SYT1: variants seen among roughly 807,000 people sequenced by gnomAD.
SYT1 encodes the protein synaptotagmin 1, also known as synaptotagmin-1.
Under a neutral mutation model 44.8 loss-of-function variants are expected in SYT1, and 8 were observed. That is an observed-to-expected ratio of 0.18 (90% CI 0.10 to 0.32). The LOEUF is 0.32. Ranked by LOEUF, SYT1 falls within the 10% of genes least tolerant of loss-of-function variation. The pLI is 1.00. For synonymous variants in SYT1, 154 were observed against 188.8 expected, an observed-to-expected ratio of 0.82 and a Z score of 1.51; for missense variants, 286 against 509.3, an observed-to-expected ratio of 0.56 and a Z score of 4.22.
chr12:78,981,554 G>A (rs187914989), intron 2 of SYT1, among the ~76,000 whole-genome samples: 41 of 152,250 alleles, frequency 2.7e-4, no homozygotes, highest in Admixed American at 1.2e-3. Flanking sequence ...CCAACTAATG[G>A]AGTGAAGGGA....
chr12:79,085,690 C>T (rs1321089681), intron 3 of SYT1, among the ~76,000 whole-genome samples: 2 of 152,146 alleles, frequency 1.3e-5, no homozygotes, highest in Non-Finnish European at 2.9e-5. Flanking sequence ...CCTCTCCAGG[C>T]TCCAGTTTCC....
chr12:79,446,002 T>C (rs1253998334), intron 10 of SYT1, among the ~76,000 whole-genome samples: 1 of 115,908 alleles, frequency 8.6e-6, no homozygotes, highest in Admixed American at 8.6e-5. Flanking sequence ...TATATATATA[T>C]ATATATATAT....
At chr12:78,871,236 C>T (rs1228071241) in intron 1 of SYT1, among the ~76,000 whole-genome samples, 1 of 151,996 alleles carries the variant, frequency 6.6e-6, no homozygotes, top group Non-Finnish European at 1.5e-5. Context: ...TATTATGAAA[C>T]ATCACACACG....
intron 3 of SYT1, among the ~76,000 whole-genome samples, chr12:79,120,431 A>T (rs531276402): frequency 1.7e-4 from 26 of 152,256 alleles, no homozygotes; most frequent in African/African-American, 4.6e-4. Flanking sequence ...ATTTAAAAAA[A>T]ATATATAAAA....
At chr12:79,023,064 G>A (rs1230955835) in intron 2 of SYT1, among the ~76,000 whole-genome samples, 1 of 151,690 alleles carries the variant, frequency 6.6e-6, no homozygotes, top group Non-Finnish European at 1.5e-5. Context: ...ATTTAAATCA[G>A]ACTCTTTTGA....
chr12:79,442,411 GTTT>G (rs1207521058), intron 9 of SYT1, among the ~76,000 whole-genome samples: 2 of 151,946 alleles, frequency 1.3e-5, no homozygotes, highest in Non-Finnish European at 2.9e-5. Flanking sequence ...TGTGGAGTTG[GTTT>G]TACATCTCTA....
intron 4 of SYT1, among the ~76,000 whole-genome samples, chr12:79,274,379 G>C (rs1259018510): frequency 6.6e-6 from 1 of 152,182 alleles, no homozygotes; most frequent in Non-Finnish European, 1.5e-5. Context: ...GTCTGCAGGT[G>C]TGAGACACAC....
chr12:79,145,885 G>A (rs1185136549), intron 3 of SYT1, among the ~76,000 whole-genome samples: 3 of 150,866 alleles, frequency 2.0e-5, no homozygotes, highest in African/African-American at 7.3e-5. Flanking sequence ...AGCCTCCCAA[G>A]TAGCTGGGAC....
chr12:79,030,844 T>G (rs1872784907), intron 2 of SYT1, among the ~76,000 whole-genome samples: 1 of 151,014 alleles, frequency 6.6e-6, no homozygotes, highest in African/African-American at 2.4e-5. Context: ...CAGCTCTACT[T>G]TGTCTTAGAA....
chr12:78,898,136 G>A (rs1244781346), intron 1 of SYT1, among the ~76,000 whole-genome samples: 1 of 151,282 alleles, frequency 6.6e-6, no homozygotes, highest in Non-Finnish European at 1.5e-5. Flanking sequence ...CATAATAACT[G>A]TAGAATGTTG....
At chr12:79,197,773 G>A (rs1395693089) in intron 3 of SYT1, among the ~76,000 whole-genome samples, 1 of 152,162 alleles carries the variant, frequency 6.6e-6, no homozygotes, top group South Asian at 2.1e-4. Context: ...GTGTATGTCT[G>A]TAGTATTTAA....
At chr12:79,043,463 G>C (rs1445997245) in intron 2 of SYT1, among the ~76,000 whole-genome samples, 2 of 147,098 alleles carry the variant, frequency 1.4e-5, no homozygotes, top group South Asian at 2.2e-4. Flanking sequence ...GCCTTTTTTT[G>C]TTTTCCATTT....
intron 2 of SYT1, among the ~76,000 whole-genome samples, chr12:79,044,373 C>A (rs985185684): frequency 1.3e-5 from 2 of 151,998 alleles, no homozygotes; most frequent in African/African-American, 4.8e-5. Flanking sequence ...TCATTTCATT[C>A]ATTTCATCTT....
chr12:79,236,503 G>C (rs1876199900), intron 4 of SYT1, among the ~76,000 whole-genome samples: 1 of 152,120 alleles, frequency 6.6e-6, no homozygotes, highest in African/African-American at 2.4e-5. Flanking sequence ...AAAAGACTAA[G>C]ACTCAATTCA....
At chr12:79,447,799 TTTCTC>T (rs145802291) in intron 10 of SYT1, among the ~76,000 whole-genome samples, 87 of 152,308 alleles carry the variant, frequency 5.7e-4, no homozygotes, top group Non-Finnish European at 8.8e-4. Context: ...AAGTGATTGT[TTTCTC>T]TGCTCTGAAG....
At chr12:79,311,229 A>G (rs1880768699) in intron 8 of SYT1, among the ~76,000 whole-genome samples, 2 of 152,332 alleles carry the variant, frequency 1.3e-5, no homozygotes, top group Middle Eastern at 3.4e-3. Context: ...ACACTTCTCA[A>G]AAGAAGACAT....
intron 1 of SYT1, chr12:78,976,679 C>A (rs1182554883): frequency 6.6e-6 from 1 of 152,112 alleles, no homozygotes; most frequent in Non-Finnish European, 1.5e-5. Flanking sequence ...ACTGTAAAGA[C>A]AGTAGAACGA....
intron 9 of SYT1, among the ~76,000 whole-genome samples, chr12:79,410,506 C>CAAAAAAAAAAAAAAAAAAAAAAAAAAGAA (rs5799432): frequency 1.3e-5 from 1 of 75,916 alleles, no homozygotes; most frequent in African/African-American, 5.7e-5. Context: ...TGTTCAAAGT[C>CAAAAAAAAAAAAAAAAAAAAAAAAAAGAA]AAAAAAAAAA....
At chr12:79,210,479 A>C (rs2138532015) in intron 3 of SYT1, among the ~76,000 whole-genome samples, 1 of 152,322 alleles carries the variant, frequency 6.6e-6, no homozygotes, top group Non-Finnish European at 1.5e-5. Context: ...GCTCCCACAT[A>C]TCAGTGAGAA....
Sources: allele counts gnomAD v4.1 joint callset (sites outside exome capture counted in the v4.1 genomes callset), GRCh38; gene constraint gnomAD v4.1.1; transcripts MANE v1.5; gene names NCBI Gene and HGNC (gene_info 2026-07-23, HGNC 2026-07-21).